Variants in STAU2 observed in about 807,000 individuals in gnomAD.
STAU2 encodes double-stranded RNA-binding protein Staufen homolog 2.
A neutral mutation model predicts 65.9 loss-of-function variants in STAU2; 20 were observed. The ratio of observed to expected loss-of-function variants is 0.30; its 90% CI spans 0.21 to 0.44. STAU2 has a LOEUF of 0.44. STAU2 is among the 20% of genes least tolerant of loss of function. The pLI is 1.00. For synonymous variants in STAU2, 232 were observed against 233.9 expected, an observed-to-expected ratio of 0.99 and a Z score of 0.07; for missense variants, 558 against 683.9, an observed-to-expected ratio of 0.82 and a Z score of 2.05.
chr8:73,635,725 T>G (rs1450046766), intron 6 of STAU2, among the ~76,000 whole-genome samples: 1 of 151,804 alleles, frequency 6.6e-6, no homozygotes, highest in Non-Finnish European at 1.5e-5. Flanking sequence ...CTCGGGAGGC[T>G]GAGGCAGAAG....
At chr8:73,706,652 C>T (rs939006799) in intron 4 of STAU2, among the ~76,000 whole-genome samples, 10 of 152,100 alleles carry the variant, frequency 6.6e-5, no homozygotes, top group African/African-American at 2.2e-4. Context: ...GCCAATTATT[C>T]TAGTACTCTT....
intron 6 of STAU2, among the ~76,000 whole-genome samples, chr8:73,660,830 T>C (rs1383779189): frequency 6.6e-6 from 1 of 152,280 alleles, no homozygotes; most frequent in East Asian, 1.9e-4. Context: ...AAAATATCCA[T>C]ATGCAATAGA....
intron 6 of STAU2, among the ~76,000 whole-genome samples, chr8:73,626,074 T>TACACATAC (rs1813612907): frequency 1.4e-5 from 2 of 146,164 alleles, no homozygotes; most frequent in African/African-American, 5.0e-5. Flanking sequence ...TAAGTACACA[T>TACACATAC]ACACACACAC....
At chr8:73,585,673 A>AAAGTAC (rs1461371635) in intron 11 of STAU2, among the ~76,000 whole-genome samples, 1 of 152,208 alleles carries the variant, frequency 6.6e-6, no homozygotes, top group Non-Finnish European at 1.5e-5. Flanking sequence ...CAGCAAGCAC[A>AAAGTAC]AAGTACAGTT....
chr8:73,421,041 C>A lies in STAU2; in HGVS notation c.*331G>T. 4.5e-6 allele frequency: 1 copy of A among 220,606 alleles called. No individual in the cohort carries two copies. Among genetic ancestry groups the A allele is most frequent in the Admixed American group, 5.4e-5 (1 of 18,472 alleles). 13.7% of individuals were successfully genotyped at this position (220,606 alleles called of 1,614,324 possible). A position where few individuals can be genotyped will look rare whatever the true frequency, so the allele number is the denominator to read the frequency against. On this transcript the variant is annotated 3_prime_UTR_variant, in exon 15 of 15. Transcript: ENST00000524300. Reference sequence around the variant, plus strand: ...ATAACAACAGAACCAAACCCAACTTCTCTATTATTAATCATGTTAAAATTT... The same window carrying A: ...ATAACAACAGAACCAAACCCAACTTATCTATTATTAATCATGTTAAAATTT...
intron 6 of STAU2, chr8:73,670,610 A>G (rs1278919419): frequency 6.6e-6 from 1 of 152,198 alleles, no homozygotes; most frequent in Non-Finnish European, 1.5e-5. Flanking sequence ...TAGAGAACCT[A>G]AACAATAATA....
At chr8:73,461,464 T>C (rs1337950574) in intron 13 of STAU2, among the ~76,000 whole-genome samples, 1 of 152,014 alleles carries the variant, frequency 6.6e-6, no homozygotes, top group Non-Finnish European at 1.5e-5. Context: ...GGATAAGCAG[T>C]GGAAGCCATC....
At chr8:73,552,676 C>T (rs1031992802) in intron 12 of STAU2, among the ~76,000 whole-genome samples, 1 of 152,044 alleles carries the variant, frequency 6.6e-6, no homozygotes, top group Non-Finnish European at 1.5e-5. Flanking sequence ...TATTTTATAT[C>T]TCATAAAAGA....
At chr8:73,560,181 C>T (rs1292799191) in intron 12 of STAU2, among the ~76,000 whole-genome samples, 1 of 150,714 alleles carries the variant, frequency 6.6e-6, no homozygotes, top group Admixed American at 6.6e-5. Flanking sequence ...CCCGGGTTCA[C>T]GCCATTCTCC....
chr8:73,455,671 CCGT>C (rs1437291164), intron 13 of STAU2, among the ~76,000 whole-genome samples: 1 of 152,170 alleles, frequency 6.6e-6, no homozygotes, highest in Non-Finnish European at 1.5e-5. Context: ...TGAAAAACCA[CCGT>C]CATTTCCTCC....
At chr8:73,576,127 T>TA (rs1809529984) in intron 12 of STAU2, among the ~76,000 whole-genome samples, 2 of 152,124 alleles carry the variant, frequency 1.3e-5, no homozygotes, top group African/African-American at 4.8e-5. Context: ...AATTTGAACT[T>TA]ACACATATTA....
chr8:73,557,828 A>G (rs746186046), intron 12 of STAU2, among the ~76,000 whole-genome samples: 30 of 152,194 alleles, frequency 2.0e-4, no homozygotes, highest in Non-Finnish European at 1.0e-4. Flanking sequence ...CCATTCTGCC[A>G]TCATCTATCT....
At chr8:73,711,154 A>AAC (rs1820873293) in intron 3 of STAU2, among the ~76,000 whole-genome samples, 1 of 150,608 alleles carries the variant, frequency 6.6e-6, no homozygotes, top group Non-Finnish European at 1.5e-5. Flanking sequence ...AAAAAAAAAA[A>AAC]AAACTAGTAA....
At chr8:73,687,375 A>ATTT (rs1563507010) in intron 5 of STAU2, among the ~76,000 whole-genome samples, 42 of 71,864 alleles carry the variant, frequency 5.8e-4, no homozygotes, top group African/African-American at 2.6e-3. Context: ...TATAATTTAT[A>ATTT]ATTTATATTT....
intron 3 of STAU2, among the ~76,000 whole-genome samples, chr8:73,736,501 A>G (rs982835829): frequency 3.3e-5 from 5 of 152,250 alleles, no homozygotes; most frequent in African/African-American, 4.8e-5. Flanking sequence ...GCAAGGTGCT[A>G]TAACAGCATA....
chr8:73,539,664 G>A (rs1337974352), intron 13 of STAU2, among the ~76,000 whole-genome samples: 1 of 151,988 alleles, frequency 6.6e-6, no homozygotes, highest in Admixed American at 6.6e-5. Flanking sequence ...CCAATATGGT[G>A]AAACCCCATC....
At position 73,539,641 on chromosome 8, in the gene STAU2, G is replaced by A. The variant is rs552853031; in HGVS notation, c.1530+12371C>T. Among the ~76,000 whole-genome samples the A allele has an allele frequency of 4.7e-4, 71 of 152,160 alleles. 1 individual carries two copies. Among genetic ancestry groups the A allele is most frequent in the Middle Eastern group, 6.8e-3 (2 of 294 alleles). On this transcript the variant is annotated intron_variant, in intron 13 of 14. Transcript: ENST00000524300. ...GTGGATCTCTTGAGCTGAGGAGTTC[G>A]AGACCAGCCTGACCAATATGGTGAA...
chr8:73,634,518 C>A (rs778591434), intron 6 of STAU2, among the ~76,000 whole-genome samples: 6 of 152,096 alleles, frequency 3.9e-5, no homozygotes, highest in Non-Finnish European at 5.9e-5. Context: ...CAGAGTGAGA[C>A]ACCGTCTCAA....
intron 13 of STAU2, among the ~76,000 whole-genome samples, chr8:73,530,799 T>C (rs1474270356): frequency 6.6e-6 from 1 of 152,014 alleles, no homozygotes; most frequent in South Asian, 2.1e-4. Context: ...TTGAACAGCA[T>C]GAGAGAATCC....
Sources: allele counts gnomAD v4.1 joint callset (sites outside exome capture counted in the v4.1 genomes callset), GRCh38; gene constraint gnomAD v4.1.1; transcripts MANE v1.5; gene names NCBI Gene and HGNC (gene_info 2026-07-23, HGNC 2026-07-21).